The following CFAP47 variants were observed in gnomAD, a reference collection of about 807,000 sequenced individuals.
CFAP47 encodes the protein cilia and flagella associated protein 47, also known as cilia- and flagella-associated protein 47.
In CFAP47, 29 loss-of-function variants were observed where a neutral mutation model predicts 148.1. That is an observed-to-expected ratio of 0.20 (90% CI 0.15 to 0.27). The LOEUF (loss-of-function observed/expected upper bound fraction) is 0.27, where lower values mean the gene tolerates loss of function less well. CFAP47 is among the 10% of genes least tolerant of loss of function. The pLI is 1.00. For synonymous variants in CFAP47, 664 were observed against 577.3 expected, an observed-to-expected ratio of 1.15 and a Z score of -2.15; for missense variants, 1,872 against 1,697.5, an observed-to-expected ratio of 1.10 and a Z score of -1.81.
rs1446593671 is a variant in CFAP47, at chrX:35,942,390, A to G, written c.517+992A>G. On this transcript the variant is annotated intron_variant, in intron 3 of 63. Coordinates refer to ENST00000378653, the MANE Select transcript of CFAP47 (RefSeq NM_001304548.2). The stretch of plus-strand genomic sequence containing the variant: ...AAGGAATAAAACTCATAACCGTTCC[A>G]CATTGGATGTTACTCATCTCACTTT... Among the ~76,000 whole-genome samples, 36 of 111,297 alleles carry G rather than the reference A, an allele frequency of 3.2e-4. No homozygotes were observed. The Admixed American group carries it at 3.5e-3, about 11-fold the overall frequency.
intron 29 of CFAP47, among the ~76,000 whole-genome samples, chrX:36,077,893 G>C (rs1041629318): frequency 2.7e-5 from 3 of 110,138 alleles, no homozygotes; most frequent in Non-Finnish European, 5.7e-5. Flanking sequence ...GTCAAGCATG[G>C]TGGCACACTC....
At chrX:35,925,213 AAT>A (rs888888933) in intron 1 of CFAP47, among the ~76,000 whole-genome samples, 3 of 110,177 alleles carry the variant, frequency 2.7e-5, no homozygotes. Flanking sequence ...TCTACTAAAA[AAT>A]TACAAAAAAT....
chrX:35,948,908 A>G (rs1438414294), intron 4 of CFAP47, among the ~76,000 whole-genome samples: 1 of 110,004 alleles, frequency 9.1e-6, no homozygotes, highest in Non-Finnish European at 1.9e-5. Flanking sequence ...AGGCAAAAAG[A>G]CAGTGTTGCA....
At chrX:36,329,398 A>G (rs1478289416) in intron 57 of CFAP47, among the ~76,000 whole-genome samples, 1 of 112,040 alleles carries the variant, frequency 8.9e-6, no homozygotes, top group African/African-American at 3.2e-5. Context: ...ATGAAAAGAC[A>G]AAGAAAGGTA....
At chrX:36,148,100 A>G (rs1020385822) in intron 36 of CFAP47, among the ~76,000 whole-genome samples, 3 of 111,923 alleles carry the variant, frequency 2.7e-5, no homozygotes, top group African/African-American at 9.8e-5. Context: ...GCTCAACTCG[A>G]AATAAAACAA....
intron 21 of CFAP47, among the ~76,000 whole-genome samples, chrX:36,004,187 G>T (rs61090185): frequency 0.018 from 1,992 of 108,670 alleles, 49 homozygotes; most frequent in African/African-American, 0.062. Flanking sequence ...ATATTAGCCA[G>T]GCTGGTCTCG....
At chrX:36,044,652 C>T (rs1937444644) in intron 25 of CFAP47, among the ~76,000 whole-genome samples, 1 of 111,771 alleles carries the variant, frequency 8.9e-6, no homozygotes, top group Admixed American at 9.5e-5. Context: ...ACCACTTCAG[C>T]CTGGACTTCA....
Position 36,133,253 on chromosome X carries a change from C to T in CFAP47, c.5321-4705C>T, listed in dbSNP as rs146863998. Among the ~76,000 whole-genome samples, 770 of 111,337 alleles carry T rather than the reference C, an allele frequency of 6.9e-3. 4 individuals are homozygous for T. Among genetic ancestry groups the T allele is most frequent in the Middle Eastern group, 0.023 (5 of 214 alleles). On this transcript the variant is annotated intron_variant, in intron 33 of 63. Transcript: ENST00000378653. ...CTAAAGTGAGTCTGGAGAATGTGTA[C>T]TCCTTAGTACCTAGTGTAGGGGCAG... is the stretch of plus-strand genomic sequence containing the variant.
chrX:36,152,192 G>A (rs1439199769), intron 37 of CFAP47, among the ~76,000 whole-genome samples: 1 of 110,376 alleles, frequency 9.1e-6, no homozygotes, highest in Non-Finnish European at 1.9e-5. Context: ...TGATGTTTTG[G>A]TATACATATA....
intron 26 of CFAP47, among the ~76,000 whole-genome samples, chrX:36,047,883 T>C (rs776877365): frequency 4.5e-5 from 5 of 112,169 alleles, no homozygotes; most frequent in Non-Finnish European, 9.4e-5. Flanking sequence ...AGCAGATTTG[T>C]GATAAATTAG....
chrX:36,384,910 A>G lies in CFAP47; in HGVS notation c.9468A>G (p.Pro3156=). 1.7e-6 allele frequency: 2 copies of G among 1,166,171 alleles called. No homozygotes were observed. The highest frequency in any genetic ancestry group is 2.3e-6 in the Non-Finnish European group (2 of 871,367). ...DATHKTHDNM[P]VRPHNFVREN... ...CTCACAAGACACATGACAACATGCC[A>G]GTCCGTCCACATAATTTTGTCCGTG... Residue 3156 remains proline, a synonymous_variant, in exon 64 of 64, where the codon CCA becomes CCG. Coordinates refer to ENST00000378653, the MANE Select transcript of CFAP47 (RefSeq NM_001304548.2).
At chrX:36,067,980 C>A (rs977780385) in intron 27 of CFAP47, among the ~76,000 whole-genome samples, 2 of 111,799 alleles carry the variant, frequency 1.8e-5, no homozygotes, top group African/African-American at 6.5e-5. Context: ...ACTGAAAATT[C>A]ATTCTTTAAT....
intron 28 of CFAP47, 131 bp downstream of exon 28, chrX:36,072,102 A>G: frequency 2.1e-6 from 1 of 469,579 alleles, no homozygotes; most frequent in Non-Finnish European, 3.4e-6. Flanking sequence ...TTTGTCATTA[A>G]TTTTAAATGG....
At chrX:36,327,137 A>G (rs1457279349) in intron 57 of CFAP47, among the ~76,000 whole-genome samples, 1 of 111,845 alleles carries the variant, frequency 8.9e-6, no homozygotes, top group Non-Finnish European at 1.9e-5. Flanking sequence ...TTTTCTGCAC[A>G]GAAACAAACA....
intron 29 of CFAP47, among the ~76,000 whole-genome samples, chrX:36,078,965 C>G (rs190696620): frequency 5.1e-4 from 57 of 111,063 alleles, no homozygotes; most frequent in Middle Eastern, 4.7e-3. Context: ...TGAAATTCTG[C>G]GTTGAAAATT....
intron 37 of CFAP47, among the ~76,000 whole-genome samples, chrX:36,151,827 G>A (rs1306295835): frequency 8.9e-6 from 1 of 111,945 alleles, no homozygotes; most frequent in East Asian, 2.8e-4. Flanking sequence ...CCAAAAACTA[G>A]GCAGCTTACA....
intron 23 of CFAP47, among the ~76,000 whole-genome samples, chrX:36,033,446 C>A (rs1313631233): frequency 9.0e-6 from 1 of 111,426 alleles, no homozygotes; most frequent in Non-Finnish European, 1.9e-5. Flanking sequence ...CATTTCATTT[C>A]TCAGAATTAT....
chrX:36,168,965 T>C (rs1420383233), intron 39 of CFAP47, among the ~76,000 whole-genome samples: 1 of 112,125 alleles, frequency 8.9e-6, no homozygotes. Flanking sequence ...ATATCTTTTC[T>C]CCTTCATTTT....
chrX:35,963,786 TTAACA>T (rs1378065313), intron 8 of CFAP47, among the ~76,000 whole-genome samples: 4 of 111,572 alleles, frequency 3.6e-5, no homozygotes, highest in Non-Finnish European at 7.6e-5. Flanking sequence ...TTTAACATCT[TTAACA>T]TAAAACAGTC....
Sources: gnomAD v4.1 joint callset for allele counts (sites outside exome capture counted in the v4.1 genomes callset) on GRCh38, gnomAD v4.1.1 for gene constraint, MANE v1.5 for transcripts, NCBI Gene and HGNC (gene_info 2026-07-23, HGNC 2026-07-21) for gene names.